The following TBC1D1 variants were observed in gnomAD, a reference collection of about 807,000 sequenced individuals.
TBC1D1 encodes TBC1 (tre-2/USP6, BUB2, cdc16) domain family, member 1.
TBC1D1 carries 89 observed loss-of-function variants against 125.6 expected under a neutral mutation model. The ratio of observed to expected loss-of-function variants is 0.71; its 90% CI spans 0.60 to 0.85. The LOEUF is 0.85. Ranked by LOEUF, TBC1D1 falls within the 40% of genes least tolerant of loss-of-function variation. The pLI is 0.00. For missense variants in TBC1D1, 1,377 were observed against 1,469.2 expected (o/e 0.94, Z 1.03); for synonymous variants, 565 against 564.1 (o/e 1.00, Z -0.02).
intron 2 of TBC1D1, among the ~76,000 whole-genome samples, chr4:37,986,857 T>C (rs963077691): frequency 5.9e-5 from 9 of 152,258 alleles, no homozygotes; most frequent in Non-Finnish European, 1.2e-4. Context: ...GATCCTTTGA[T>C]ATGTGAAGGG....
intron 15 of TBC1D1, among the ~76,000 whole-genome samples, chr4:38,104,222 G>A (rs1037597978): frequency 3.4e-5 from 5 of 147,958 alleles, no homozygotes; most frequent in African/African-American, 1.0e-4. Flanking sequence ...TGCAAACATA[G>A]CACCATCTTA....
intron 2 of TBC1D1, among the ~76,000 whole-genome samples, chr4:37,991,007 C>T (rs922745507): frequency 7.1e-6 from 1 of 141,708 alleles, no homozygotes; most frequent in African/African-American, 2.6e-5. Context: ...CTGTGGCAGG[C>T]ACTTGAGACA....
At chr4:38,052,426 G>C (rs550349327) in intron 11 of TBC1D1, among the ~76,000 whole-genome samples, 1 of 151,408 alleles carries the variant, frequency 6.6e-6, no homozygotes, top group Non-Finnish European at 1.5e-5. Flanking sequence ...CTGCCTTGTG[G>C]GTTCAAGCAG....
chr4:37,921,336 G>GAA (rs140121174), intron 2 of TBC1D1, among the ~76,000 whole-genome samples: 2 of 144,318 alleles, frequency 1.4e-5, no homozygotes, highest in Non-Finnish European at 3.0e-5. Context: ...TCCAACCCAG[G>GAA]AAAAAAAAAC....
chr4:37,922,422 G>C (rs1721201577), intron 2 of TBC1D1, among the ~76,000 whole-genome samples: 2 of 152,146 alleles, frequency 1.3e-5, no homozygotes, highest in Admixed American at 6.5e-5. Context: ...GGAGACACTG[G>C]GGAGGCTCAG....
chr4:37,924,474 T>C (rs1721661431), intron 2 of TBC1D1, among the ~76,000 whole-genome samples: 1 of 152,162 alleles, frequency 6.6e-6, no homozygotes, highest in Admixed American at 6.5e-5. Context: ...ACACTACCCA[T>C]TTCCAGAACT....
intron 2 of TBC1D1, among the ~76,000 whole-genome samples, chr4:37,913,736 A>ATT (rs34409078): frequency 5.8e-5 from 8 of 138,668 alleles, no homozygotes; most frequent in African/African-American, 1.6e-4. Flanking sequence ...TACTGGCCCA[A>ATT]TTTTTTTTTT....
Position 38,095,002 on chromosome 4 carries a change from T to C in TBC1D1, c.2237-927T>C, listed in dbSNP as rs11946809. Among the ~76,000 whole-genome samples, 153 of 152,206 alleles carry C rather than the reference T, an allele frequency of 1.0e-3. 1 individual carries two copies. Among genetic ancestry groups the C allele is most frequent in the African/African-American group, 3.5e-3 (145 of 41,508 alleles). On this transcript the variant is annotated intron_variant, in intron 13 of 19. Coordinates refer to ENST00000261439, the MANE Select transcript of TBC1D1 (RefSeq NM_015173.4). ...TCAAATATTCATTGCAGTTCTAAAA[T>C]CTCTGCAAGTGTGGGGGTCATTTAA...
chr4:37,983,377 T>G (rs1290875119), intron 2 of TBC1D1, among the ~76,000 whole-genome samples: 2 of 152,158 alleles, frequency 1.3e-5, no homozygotes, highest in Non-Finnish European at 2.9e-5. Flanking sequence ...CCTCCCAAAG[T>G]GCTGGGATTA....
At chr4:37,894,040 G>A (rs933890136) in intron 1 of TBC1D1, among the ~76,000 whole-genome samples, 4 of 149,652 alleles carry the variant, frequency 2.7e-5, no homozygotes, top group African/African-American at 9.8e-5. Flanking sequence ...CCAGGCTGGA[G>A]TGCAGTGGCG....
At chr4:38,009,709 G>A (rs1741072798) in intron 2 of TBC1D1, among the ~76,000 whole-genome samples, 1 of 152,214 alleles carries the variant, frequency 6.6e-6, no homozygotes, top group African/African-American at 2.4e-5. Context: ...TTGTTAGTAT[G>A]TGAACAAAGA....
At chr4:38,124,897 C>T (rs1764392527) in intron 17 of TBC1D1, 65 bp from the exon 20 acceptor site, 2 of 1,415,494 alleles carry the variant, frequency 1.4e-6, no homozygotes, top group Non-Finnish European at 2.0e-6. Context: ...GTGGAAAAGG[C>T]AATGGAATGG....
intron 8 of TBC1D1, among the ~76,000 whole-genome samples, chr4:38,042,148 C>T (rs1420898177): frequency 6.6e-6 from 1 of 152,050 alleles, no homozygotes; most frequent in African/African-American, 2.4e-5. Context: ...TGCACTCCAG[C>T]CTGGGTGACA....
chr4:38,045,781 C>G, intron 9 of TBC1D1, 36 bp from the exon 10 acceptor site: 4 of 1,571,944 alleles, frequency 2.5e-6, no homozygotes, highest in Non-Finnish European at 3.5e-6. Context: ...GCAAAAGCCT[C>G]CAGAGTCATA....
At chr4:37,958,207 T>C (rs6531597) in intron 2 of TBC1D1, among the ~76,000 whole-genome samples, 95,557 of 152,020 alleles carry the variant, frequency 0.63, 30,888 homozygotes, top group East Asian at 0.96. Flanking sequence ...GTATGCTTCA[T>C]ATTAAGAAAG....
chr4:38,136,769 G>A (rs370837513), intron 19 of TBC1D1, among the ~76,000 whole-genome samples: 75 of 152,228 alleles, frequency 4.9e-4, no homozygotes, highest in African/African-American at 1.5e-3. Flanking sequence ...TGTCACTGAC[G>A]CCCACTTCAG....
At position 38,095,922 on chromosome 4, in the gene TBC1D1, A is replaced by T; in HGVS notation, c.2237-7A>T. ...TTACTAATGCGCTCTGGAATGGTCT[A>T]TTCCAGCCTCTGAAAATGATTTGCT... On this transcript the variant is annotated splice_region_variant and splice_polypyrimidine_tract_variant and intron_variant, in intron 13 of 19. Coordinates refer to ENST00000261439, the MANE Select transcript of TBC1D1 (RefSeq NM_015173.4). 1 of 1,612,508 alleles carries T rather than the reference A, an allele frequency of 6.2e-7. No individual in the cohort carries two copies.
chr4:38,016,423 G>A (rs1396384600), intron 3 of TBC1D1, among the ~76,000 whole-genome samples: 3 of 152,174 alleles, frequency 2.0e-5, no homozygotes, highest in African/African-American at 7.2e-5. Context: ...GAGTTGTCAC[G>A]GTCTTACCTC....
intron 8 of TBC1D1, among the ~76,000 whole-genome samples, chr4:38,041,704 T>G (rs1396676324): frequency 6.6e-6 from 1 of 152,232 alleles, no homozygotes; most frequent in African/African-American, 2.4e-5. Context: ...TACAGAAGGA[T>G]GTGTACAGTA....
Sources: gnomAD v4.1 joint callset for allele counts (sites outside exome capture counted in the v4.1 genomes callset) on GRCh38, gnomAD v4.1.1 for gene constraint, MANE v1.5 for transcripts, NCBI Gene and HGNC (gene_info 2026-07-23, HGNC 2026-07-21) for gene names.